NLRP5: variants seen among roughly 807,000 people sequenced by gnomAD.
NLRP5 encodes NACHT, LRR and PYD domains-containing protein 5.
Under a neutral mutation model 113.1 loss-of-function variants are expected in NLRP5, and 93 were observed. That is an observed-to-expected ratio of 0.82 (90% CI 0.70 to 0.98). The LOEUF (loss-of-function observed/expected upper bound fraction) is 0.98, where lower values mean the gene tolerates loss of function less well. Ranked by LOEUF, NLRP5 falls within the 50% of genes least tolerant of loss-of-function variation. The pLI, the probability that NLRP5 is intolerant of heterozygous loss-of-function variation, is 0.00. For synonymous variants in NLRP5, 751 were observed against 600.7 expected (o/e 1.25, Z -3.66); for missense variants, 1,808 against 1,514.3 (o/e 1.19, Z -3.22).
intron 3 of NLRP5, among the ~76,000 whole-genome samples, chr19:56,013,006 T>A (rs1982258299): frequency 6.6e-6 from 1 of 152,094 alleles, no homozygotes; most frequent in South Asian, 2.1e-4. Flanking sequence ...CTACCTAATT[T>A]CAGGAAATTT....
Position 56,061,643 on chromosome 19 carries a change from G to A in NLRP5, c.*115G>A. The A allele has an allele frequency of 8.4e-7, 1 of 1,185,978 alleles. No homozygotes were observed. The highest frequency in any genetic ancestry group is 1.2e-6 in the Non-Finnish European group (1 of 816,792). 73.5% of individuals were successfully genotyped at this position (1,185,978 alleles called of 1,614,324 possible). A position where few individuals can be genotyped will look rare whatever the true frequency, so the allele number is the denominator to read the frequency against. On this transcript the variant is annotated 3_prime_UTR_variant, in exon 15 of 15. Transcript: ENST00000390649. ...TTCTCAAAGATGGAGAATGATTTCT[G>A]ATTCTCACAAAGCCCTCAATGGTAG...
intron 13 of NLRP5, 58 bp downstream of exon 13, chr19:56,053,866 C>CTT: frequency 1.3e-6 from 2 of 1,536,076 alleles, no homozygotes; most frequent in Non-Finnish European, 9.0e-7. Flanking sequence ...GGGACCCCAG[C>CTT]ATGAGGTTGC....
At chr19:56,043,636 G>C (rs113718764) in intron 11 of NLRP5, among the ~76,000 whole-genome samples, 1 of 127,426 alleles carries the variant, frequency 7.8e-6, no homozygotes, top group African/African-American at 2.9e-5. Context: ...CGTGATCTCC[G>C]GTCACTGCAA....
chr19:56,012,900 C>A (rs1982252767), intron 3 of NLRP5, among the ~76,000 whole-genome samples: 1 of 152,052 alleles, frequency 6.6e-6, no homozygotes, highest in African/African-American at 2.4e-5. Flanking sequence ...ACTTTCCTTG[C>A]TTTTTTAAAG....
intron 13 of NLRP5, among the ~76,000 whole-genome samples, chr19:56,055,484 C>A (rs1304330613): frequency 6.8e-6 from 1 of 146,962 alleles, no homozygotes; most frequent in East Asian, 2.0e-4. Context: ...ACTTATCTTA[C>A]TATAATACCA....
intron 9 of NLRP5, among the ~76,000 whole-genome samples, chr19:56,036,732 G>A (rs1026264892): frequency 6.6e-6 from 1 of 152,120 alleles, no homozygotes; most frequent in Non-Finnish European, 1.5e-5. Flanking sequence ...TGAGGCAGGT[G>A]GCTCACCTGA....
In NLRP5 at chr19:56,053,730, A is replaced by C; in HGVS notation, c.3221A>C (p.Asp1074Ala). The stretch of plus-strand genomic sequence containing the variant: ...CACCTGAAGAGCCTGGATCTCACGG[A>C]CAATGCCCTGGGTGACGGTGGGGTT... The change falls in exon 13 of 15, where the codon GAC becomes GCC. Residue 1074 changes from aspartate to alanine, a missense_variant. By Grantham distance (126) the Asp-to-Ala change is moderately radical (BLOSUM62 -2). Transcript: ENST00000390649. 1.9e-6 allele frequency: 3 copies of C among 1,613,970 alleles called. No homozygotes were observed. The highest frequency in any genetic ancestry group is 1.7e-6 in the Non-Finnish European group (2 of 1,179,888).
At chr19:56,038,716 G>A (rs1160469014) in intron 10 of NLRP5, among the ~76,000 whole-genome samples, 1 of 152,170 alleles carries the variant, frequency 6.6e-6, no homozygotes, top group Non-Finnish European at 1.5e-5. Flanking sequence ...AGGGAGCCCA[G>A]AGCAGGGATG....
At chr19:56,005,869 A>C (rs1220293864) in intron 2 of NLRP5, among the ~76,000 whole-genome samples, 1 of 152,146 alleles carries the variant, frequency 6.6e-6, no homozygotes, top group Non-Finnish European at 1.5e-5. Flanking sequence ...TCTCAACCCC[A>C]CCCAGTGAAA....
chr19:56,038,780 G>A (rs1280967503), intron 10 of NLRP5, among the ~76,000 whole-genome samples: 1 of 152,168 alleles, frequency 6.6e-6, no homozygotes, highest in Non-Finnish European at 1.5e-5. Context: ...AACGCAGGGG[G>A]CAGCAGTTCT....
chr19:56,059,183 A>T (rs1984263586), intron 14 of NLRP5, among the ~76,000 whole-genome samples: 1 of 152,234 alleles, frequency 6.6e-6, no homozygotes, highest in African/African-American at 2.4e-5. Context: ...TTCACCTAGC[A>T]GGAAGTTTCT....
chr19:56,053,712 A>C lies in NLRP5; in HGVS notation c.3203A>C (p.Lys1068Thr), dbSNP rs1984019108. The change falls in exon 13 of 15, where the codon AAG becomes ACG. Residue 1068 changes from lysine to threonine, a missense_variant. Transcript: ENST00000390649. ...GTGATCTCGAGGAGCAGACACCTGAAGAGCCTGGATCTCACGGACAATGCC... is the reference window on the plus strand; with the variant it reads ...GTGATCTCGAGGAGCAGACACCTGACGAGCCTGGATCTCACGGACAATGCC... The C allele has an allele frequency of 1.9e-6, 3 of 1,613,796 alleles. No homozygotes were observed. The highest frequency in any genetic ancestry group is 1.3e-5 in the African/African-American group (1 of 74,970).
chr19:56,038,181 C>G lies in NLRP5; in HGVS notation c.2772C>G (p.Ala924=), dbSNP rs1983389692. Residue 924 remains alanine, a synonymous_variant, in exon 10 of 15, where the codon GCC becomes GCG. Coordinates refer to ENST00000390649, the MANE Select transcript of NLRP5 (RefSeq NM_153447.4). ...ATGCCTTGAGAGTCTCCCAGTGCGC[C>G]CTGCAGAAGCTGATGTGAGTGCCAC... is the stretch of plus-strand genomic sequence containing the variant. The G allele has an allele frequency of 6.2e-7, 1 of 1,613,592 alleles. No individual in the cohort carries two copies. Among genetic ancestry groups the G allele is most frequent in the African/African-American group, 1.3e-5 (1 of 74,888 alleles).
intron 6 of NLRP5, among the ~76,000 whole-genome samples, chr19:56,025,458 T>G (rs1363796301): frequency 6.6e-6 from 1 of 151,616 alleles, no homozygotes; most frequent in Non-Finnish European, 1.5e-5. Context: ...CAGTCTGGAG[T>G]GCAGTGGCAC....
At chr19:56,012,392 C>G (rs1373054961) in intron 3 of NLRP5, among the ~76,000 whole-genome samples, 1 of 151,428 alleles carries the variant, frequency 6.6e-6, no homozygotes, top group Admixed American at 6.6e-5. Flanking sequence ...TCGTGATCCA[C>G]CTGCCTTGGC....
Position 56,027,549 on chromosome 19 carries a change from A to G in NLRP5, c.1316A>G (p.His439Arg). ...GGAATCTCCGGGGAACAAAGAATCCACTTGCTCCTTGAGCGCGGGATTGGT... is the reference window on the plus strand; with the variant it reads ...GGAATCTCCGGGGAACAAAGAATCCGCTTGCTCCTTGAGCGCGGGATTGGT... The change falls in exon 7 of 15, where the codon CAC (histidine) becomes CGC (arginine). Residue 439 changes from histidine to arginine, a missense_variant. Coordinates refer to ENST00000390649, the MANE Select transcript of NLRP5 (RefSeq NM_153447.4). 3 of 1,613,984 alleles carry G rather than the reference A, an allele frequency of 1.9e-6. No individual in the cohort carries two copies. The South Asian group carries it at 3.3e-5, about 18-fold the overall frequency.
chr19:56,061,103 TCAG>T (rs1984336321), intron 14 of NLRP5, among the ~76,000 whole-genome samples: 1 of 152,212 alleles, frequency 6.6e-6, no homozygotes, highest in Non-Finnish European at 1.5e-5. Flanking sequence ...GGCTGTGACA[TCAG>T]CAAGCTCATT....
chr19:56,054,067 G>A (rs368244364), intron 13 of NLRP5, among the ~76,000 whole-genome samples: 7 of 152,266 alleles, frequency 4.6e-5, no homozygotes, highest in Non-Finnish European at 7.4e-5. Flanking sequence ...CGACCCCTGC[G>A]TGCTAGTCCT....
In NLRP5 at chr19:56,027,802, G is replaced by A. The variant is rs369713863; in HGVS notation, c.1569G>A (p.Glu523=). The change falls in exon 7 of 15, where the codon GAG becomes GAA. Residue 523 remains glutamate, a synonymous_variant. Coordinates refer to ENST00000390649, the MANE Select transcript of NLRP5 (RefSeq NM_153447.4). Reference sequence around the variant, plus strand: ...TGGTCCGGCGCTGTCTCAATCTGGAGGAAAGAGTTGTCCTGAAGCGCTTCT... The same window carrying A: ...TGGTCCGGCGCTGTCTCAATCTGGAAGAAAGAGTTGTCCTGAAGCGCTTCT... 17 of 1,613,902 alleles carry A rather than the reference G, an allele frequency of 1.1e-5. No individual in the cohort carries two copies. The highest frequency in any genetic ancestry group is 1.4e-5 in the Non-Finnish European group (16 of 1,179,910).
Sources: allele counts gnomAD v4.1 joint callset (sites outside exome capture counted in the v4.1 genomes callset), GRCh38; gene constraint gnomAD v4.1.1; transcripts MANE v1.5; gene names NCBI Gene and HGNC (gene_info 2026-07-23, HGNC 2026-07-21).